Variants in TIAM1 observed in about 807,000 individuals in gnomAD.
TIAM1 encodes rho guanine nucleotide exchange factor TIAM1.
Under a neutral mutation model 163.5 loss-of-function variants are expected in TIAM1, and 65 were observed. The ratio of observed to expected loss-of-function variants is 0.40; its 90% CI spans 0.33 to 0.49. TIAM1 has a LOEUF of 0.49. TIAM1 is among the 20% of genes least tolerant of loss of function. TIAM1 has a pLI of 0.77. For missense variants in TIAM1, 1,789 were observed against 2,044.7 expected (o/e 0.87, Z 2.41); for synonymous variants, 833 against 810.1 (o/e 1.03, Z -0.48).
intron 13 of TIAM1, among the ~76,000 whole-genome samples, chr21:31,190,095 A>C (rs1255768468): frequency 6.6e-6 from 1 of 152,148 alleles, no homozygotes; most frequent in Non-Finnish European, 1.5e-5. Context: ...GAACGAAGGA[A>C]GTGCTTAAAA....
At chr21:31,275,836 G>A (rs868145680) in intron 3 of TIAM1, among the ~76,000 whole-genome samples, 4 of 152,094 alleles carry the variant, frequency 2.6e-5, no homozygotes, top group South Asian at 2.1e-4. Context: ...TTTCTCTGTC[G>A]TTGGGAAGGA....
At chr21:31,392,884 T>C (rs912362234) in intron 2 of TIAM1, among the ~76,000 whole-genome samples, 2 of 152,004 alleles carry the variant, frequency 1.3e-5, no homozygotes, top group African/African-American at 4.8e-5. Flanking sequence ...TAAAAGCTTC[T>C]TGCAGCCTCA....
At chr21:31,216,778 T>A (rs1235440718) in intron 9 of TIAM1, among the ~76,000 whole-genome samples, 2 of 151,902 alleles carry the variant, frequency 1.3e-5, no homozygotes, top group Admixed American at 1.3e-4. Flanking sequence ...GTGGGCGAGC[T>A]CTCTCGGATT....
intron 25 of TIAM1, 46 bp downstream of exon 25, chr21:31,130,167 C>T: frequency 2.0e-6 from 3 of 1,497,338 alleles, no homozygotes; most frequent in Middle Eastern, 1.7e-4. Context: ...TTCCTACACA[C>T]ATCAGAAATA....
chr21:31,216,673 T>C (rs1162317280), intron 9 of TIAM1, among the ~76,000 whole-genome samples: 2 of 152,106 alleles, frequency 1.3e-5, no homozygotes, highest in Non-Finnish European at 2.9e-5. Flanking sequence ...ACATGGTCAG[T>C]GGACACCCGT....
intron 7 of TIAM1, among the ~76,000 whole-genome samples, chr21:31,225,400 A>G (rs560170154): frequency 6.6e-6 from 1 of 152,342 alleles, no homozygotes; most frequent in East Asian, 1.9e-4. Flanking sequence ...ACTCCAAGTC[A>G]GTCTGATAAC....
At chr21:31,244,787 T>C (rs1406584541) in intron 6 of TIAM1, among the ~76,000 whole-genome samples, 2 of 152,156 alleles carry the variant, frequency 1.3e-5, no homozygotes, top group African/African-American at 2.4e-5. Context: ...GCAGAGCACA[T>C]AGGAAGCACA....
chr21:31,150,170 A>T (rs1430901663), intron 19 of TIAM1, among the ~76,000 whole-genome samples: 1 of 152,180 alleles, frequency 6.6e-6, no homozygotes, highest in Non-Finnish European at 1.5e-5. Flanking sequence ...CTGAAATTAT[A>T]CCCAAACAAA....
chr21:31,373,215 G>C (rs938987187), intron 2 of TIAM1, among the ~76,000 whole-genome samples: 1 of 152,176 alleles, frequency 6.6e-6, no homozygotes, highest in Non-Finnish European at 1.5e-5. Context: ...ATTTGAGCCC[G>C]AGAGGCAGAG....
chr21:31,152,012 CA>C (rs1170272292), intron 19 of TIAM1, among the ~76,000 whole-genome samples: 3 of 141,766 alleles, frequency 2.1e-5, no homozygotes, highest in Non-Finnish European at 4.5e-5. Context: ...ACTGGGTAAC[CA>C]GAAGTGCCTT....
intron 1 of TIAM1, among the ~76,000 whole-genome samples, chr21:31,493,390 C>T (rs952856175): frequency 6.6e-6 from 1 of 152,010 alleles, no homozygotes; most frequent in Non-Finnish European, 1.5e-5. Flanking sequence ...AGGAAGAGAT[C>T]GCATTGAGAA....
At chr21:31,473,800 C>T (rs1446148278) in intron 1 of TIAM1, among the ~76,000 whole-genome samples, 1 of 152,140 alleles carries the variant, frequency 6.6e-6, no homozygotes. Context: ...TCCATAAAAT[C>T]ACTATTTTCC....
chr21:31,193,088 T>C (rs1292016405), intron 13 of TIAM1, among the ~76,000 whole-genome samples: 1 of 152,220 alleles, frequency 6.6e-6, no homozygotes, highest in Non-Finnish European at 1.5e-5. Flanking sequence ...ATTCAAGCCA[T>C]ACAGTGTAAT....
chr21:31,471,906 G>T (rs2045755935), intron 1 of TIAM1, among the ~76,000 whole-genome samples: 1 of 142,282 alleles, frequency 7.0e-6, no homozygotes, highest in African/African-American at 2.9e-5. Context: ...ATAATAAAGG[G>T]AGTGGCAAGC....
intron 1 of TIAM1, among the ~76,000 whole-genome samples, chr21:31,514,970 T>G (rs1042552418): frequency 6.6e-6 from 1 of 152,220 alleles, no homozygotes; most frequent in African/African-American, 2.4e-5. Context: ...ACTCTCATTA[T>G]GTCTATTACA....
rs1335867081 is a variant in TIAM1, at chr21:31,141,086, G to A, written c.3774+32C>T. Reference sequence around the variant, plus strand: ...AAGCAAACTCAAACTCGGCTTTCCTGACAGATGTCCTGAGAAGATGGGGAC... The same window carrying A: ...AAGCAAACTCAAACTCGGCTTTCCTAACAGATGTCCTGAGAAGATGGGGAC... On this transcript the variant is annotated intron_variant, in intron 22 of 27. Coordinates refer to ENST00000541036, the MANE Select transcript of TIAM1 (RefSeq NM_001353694.2). This position sits in a 1 kb window ranked among gnomAD's most constrained non-coding sequence, Gnocchi z 4.7. The A allele has an allele frequency of 6.6e-7, 1 of 1,521,622 alleles. No individual in the cohort carries two copies. The highest frequency in any genetic ancestry group is 1.4e-5 in the African/African-American group (1 of 71,726). The allele number at this position is 1,521,622 out of a possible 1,614,324, so 94.3% of individuals were successfully genotyped here.
In TIAM1 at chr21:31,245,622, C is replaced by T; in HGVS notation, c.1450G>A (p.Gly484Arg). 1 of 1,593,062 alleles carries T rather than the reference C, an allele frequency of 6.3e-7. No homozygotes were observed. The highest frequency in any genetic ancestry group is 8.6e-7 in the Non-Finnish European group (1 of 1,169,556). The change falls in exon 6 of 28, where the codon GGG (glycine) becomes AGG (arginine). Residue 484 changes from glycine to arginine, a missense_variant. Around this residue, in one of 5 missense-constraint regions of TIAM1, gnomAD observed 456 missense variants for 586.6 expected, o/e 0.78. Transcript: ENST00000541036. Reference sequence around the variant, plus strand: ...TTGGGGATGCTGTTGTGGTCTATCCCAGACCTGCCGTCGCTCTCGTAGAAA... The same window carrying T: ...TTGGGGATGCTGTTGTGGTCTATCCTAGACCTGCCGTCGCTCTCGTAGAAA... Reference protein sequence around the residue: ...LFFYESDGRSGIDHNSIPKHA... With the variant: ...LFFYESDGRSRIDHNSIPKHA...
chr21:31,199,931 A>C (rs1445429901), intron 12 of TIAM1, among the ~76,000 whole-genome samples: 2 of 151,410 alleles, frequency 1.3e-5, no homozygotes, highest in Non-Finnish European at 2.9e-5. Flanking sequence ...AAAAACACAC[A>C]AAAAATAAAT....
At chr21:31,359,470 A>G (rs750413965) in intron 2 of TIAM1, among the ~76,000 whole-genome samples, 3 of 152,088 alleles carry the variant, frequency 2.0e-5, no homozygotes, top group Non-Finnish European at 4.4e-5. Context: ...AATAAAACAA[A>G]GAAAGAAAGA....
Sources: allele counts gnomAD v4.1 joint callset (sites outside exome capture counted in the v4.1 genomes callset), GRCh38; gene constraint gnomAD v4.1.1; regional missense constraint gnomAD v4.1.1; non-coding constraint Gnocchi (gnomAD v3.1); transcripts MANE v1.5; gene names NCBI Gene and HGNC (gene_info 2026-07-23, HGNC 2026-07-21).